FHOD3: variants seen among roughly 807,000 people sequenced by gnomAD.
FHOD3 encodes the protein formin homology 2 domain containing 3.
In FHOD3, 90 loss-of-function variants were observed where a neutral mutation model predicts 173.0. That is an observed-to-expected ratio of 0.52 (90% CI 0.44 to 0.62). FHOD3 has a LOEUF of 0.62. Among genes scored for constraint, FHOD3 ranks in the 20% least tolerant of loss-of-function variants. The probability of loss-of-function intolerance (pLI) is 0.00; values close to 1 mark genes in which losing one functional copy is unlikely to be tolerated. For missense variants in FHOD3, 1,945 were observed against 2,034.7 expected, an observed-to-expected ratio of 0.96 and a Z score of 0.85; for synonymous variants, 828 against 823.0, an observed-to-expected ratio of 1.01 and a Z score of -0.10.
intron 3 of FHOD3, among the ~76,000 whole-genome samples, chr18:36,497,529 TAC>T (rs763511420): frequency 1.1e-4 from 17 of 152,308 alleles, no homozygotes; most frequent in South Asian, 4.1e-4. Context: ...TAGAAAAAGA[TAC>T]ACCATTCACT....
At chr18:36,642,868 G>T (rs1158384557) in intron 10 of FHOD3, among the ~76,000 whole-genome samples, 2 of 151,294 alleles carry the variant, frequency 1.3e-5, no homozygotes, top group African/African-American at 2.4e-5. Flanking sequence ...GTCTTACGGG[G>T]TTTTATTGTG....
intron 14 of FHOD3, among the ~76,000 whole-genome samples, chr18:36,678,263 G>C (rs1196469323): frequency 1.3e-5 from 2 of 152,104 alleles, no homozygotes; most frequent in African/African-American, 4.8e-5. Context: ...ATACTGGCCA[G>C]GTATAGTGGC....
intron 5 of FHOD3, among the ~76,000 whole-genome samples, chr18:36,533,665 C>A (rs761534228): frequency 6.6e-6 from 1 of 152,144 alleles, no homozygotes; most frequent in Non-Finnish European, 1.5e-5. Flanking sequence ...AATCTGGAGG[C>A]CTTCTGGGAA....
chr18:36,658,917 CA>C (rs1218454997), intron 14 of FHOD3, among the ~76,000 whole-genome samples: 3 of 152,096 alleles, frequency 2.0e-5, no homozygotes, highest in Non-Finnish European at 4.4e-5. Flanking sequence ...GATGAGCAAA[CA>C]AAAGTCCACT....
At chr18:36,573,977 G>A (rs978035) in intron 5 of FHOD3, among the ~76,000 whole-genome samples, 58,407 of 152,022 alleles carry the variant, frequency 0.38, 11,668 homozygotes, top group Admixed American at 0.52. Context: ...CACCCTGGCT[G>A]GAAGTGGGCT....
At chr18:36,556,115 C>A (rs894587193) in intron 5 of FHOD3, among the ~76,000 whole-genome samples, 1 of 151,894 alleles carries the variant, frequency 6.6e-6, no homozygotes, top group Non-Finnish European at 1.5e-5. Flanking sequence ...GTTACATTTT[C>A]CTCTTTTTCT....
intron 1 of FHOD3, among the ~76,000 whole-genome samples, chr18:36,302,375 C>T (rs1406372103): frequency 2.6e-5 from 4 of 152,154 alleles, no homozygotes; most frequent in East Asian, 3.8e-4. Flanking sequence ...AATGCACACT[C>T]AGGTGCTGCC....
intron 3 of FHOD3, among the ~76,000 whole-genome samples, chr18:36,415,318 A>T (rs1007992933): frequency 3.3e-5 from 5 of 152,204 alleles, no homozygotes; most frequent in Admixed American, 2.6e-4. Context: ...CAGGTTTATG[A>T]TCTCATTTTG....
intron 9 of FHOD3, among the ~76,000 whole-genome samples, chr18:36,614,619 G>C (rs1357705897): frequency 2.6e-5 from 4 of 152,140 alleles, no homozygotes; most frequent in African/African-American, 4.8e-5. Context: ...TACCAGCACT[G>C]TATAAGGATT....
chr18:36,468,149 G>A (rs957491492), intron 3 of FHOD3, among the ~76,000 whole-genome samples: 1 of 152,160 alleles, frequency 6.6e-6, no homozygotes, highest in African/African-American at 2.4e-5. Context: ...AGGGTCGAAT[G>A]CTGACCTGGT....
At position 36,755,158 on chromosome 18, in the gene FHOD3, T is replaced by C. The variant is rs2150202065; in HGVS notation, c.4272T>C (p.Tyr1424=). The C allele has an allele frequency of 6.2e-7, 1 of 1,612,174 alleles. No individual in the cohort carries two copies. The highest frequency in any genetic ancestry group is 1.3e-5 in the African/African-American group (1 of 74,910). Residue 1424 remains tyrosine, a synonymous_variant, in exon 25 of 29, where the codon TAT becomes TAC. Coordinates refer to ENST00000590592, the MANE Select transcript of FHOD3 (RefSeq NM_001281740.3). ...SFLLFMGHPP[Y]AIREVNINKF... is the part of the protein sequence containing the mutation. Reference sequence around the variant, plus strand: ...TACTCTTTATGGGCCATCCACCTTATGCAATTCGGGAAGTGAACATAAACA... The same window carrying C: ...TACTCTTTATGGGCCATCCACCTTACGCAATTCGGGAAGTGAACATAAACA...
intron 27 of FHOD3, among the ~76,000 whole-genome samples, chr18:36,764,856 T>A (rs558697876): frequency 6.6e-6 from 1 of 152,156 alleles, no homozygotes; most frequent in African/African-American, 2.4e-5. Flanking sequence ...AAAGCCTTCT[T>A]TGAAAAAACA....
At chr18:36,548,366 G>A (rs1238692548) in intron 5 of FHOD3, among the ~76,000 whole-genome samples, 1 of 152,068 alleles carries the variant, frequency 6.6e-6, no homozygotes, top group Non-Finnish European at 1.5e-5. Flanking sequence ...TTTCTCTTTT[G>A]TTAGGTTCAG....
chr18:36,601,959 G>A (rs1223948972), intron 7 of FHOD3, among the ~76,000 whole-genome samples: 1 of 152,192 alleles, frequency 6.6e-6, no homozygotes, highest in Non-Finnish European at 1.5e-5. Context: ...CCAGGCAGCA[G>A]TCATCTCTTG....
chr18:36,686,983 T>A, intron 15 of FHOD3, 145 bp from the exon 16 acceptor site: 1 of 581,830 alleles, frequency 1.7e-6, no homozygotes. Flanking sequence ...CTTTAAACTT[T>A]TAAAAATTCA....
At chr18:36,580,818 T>G (rs998410366) in intron 6 of FHOD3, among the ~76,000 whole-genome samples, 5 of 152,206 alleles carry the variant, frequency 3.3e-5, no homozygotes, top group African/African-American at 9.6e-5. Context: ...CAATTCAAAT[T>G]AAGAAATCAG....
At chr18:36,488,390 G>A (rs2054296163) in intron 3 of FHOD3, among the ~76,000 whole-genome samples, 1 of 152,180 alleles carries the variant, frequency 6.6e-6, no homozygotes, top group Non-Finnish European at 1.5e-5. Flanking sequence ...TCTCTTTGGG[G>A]GAGTGATTGT....
chr18:36,659,367 C>T (rs1037438315), intron 14 of FHOD3, among the ~76,000 whole-genome samples: 1 of 152,184 alleles, frequency 6.6e-6, no homozygotes, highest in Non-Finnish European at 1.5e-5. Flanking sequence ...CATTTGATTA[C>T]CCCGAAGACA....
intron 10 of FHOD3, among the ~76,000 whole-genome samples, chr18:36,643,545 G>A (rs1339967648): frequency 6.6e-6 from 1 of 152,078 alleles, no homozygotes; most frequent in East Asian, 1.9e-4. Context: ...TAATTATTTT[G>A]CCAGTTAAAC....
Sources: gnomAD v4.1 joint callset for allele counts (sites outside exome capture counted in the v4.1 genomes callset) on GRCh38, gnomAD v4.1.1 for gene constraint, MANE v1.5 for transcripts, NCBI Gene and HGNC (gene_info 2026-07-23, HGNC 2026-07-21) for gene names.